KATNAL1: variants seen among roughly 807,000 people sequenced by gnomAD.
The protein encoded by KATNAL1 is katanin catalytic subunit A1 like 1, also known as katanin p60 ATPase-containing subunit A-like 1.
In KATNAL1, 32 loss-of-function variants were observed where a neutral mutation model predicts 55.2. The ratio of observed to expected loss-of-function variants is 0.58; its 90% CI spans 0.44 to 0.78. The LOEUF is 0.78. Ranked by LOEUF, KATNAL1 falls within the 30% of genes least tolerant of loss-of-function variation. The pLI, the probability that KATNAL1 is intolerant of heterozygous loss-of-function variation, is 0.00. For missense variants in KATNAL1, 466 were observed against 600.9 expected (o/e 0.78, Z 2.35); for synonymous variants, 193 against 193.6 (o/e 1.00, Z 0.02).
intron 9 of KATNAL1, among the ~76,000 whole-genome samples, chr13:30,223,565 T>C (rs764938484): frequency 5.3e-5 from 8 of 149,750 alleles, no homozygotes; most frequent in Non-Finnish European, 1.2e-4. Context: ...TAAGGCTAAA[T>C]TAAAAGCAGT....
Position 30,253,722 on chromosome 13 carries a change from T to C in KATNAL1, c.492+1725A>G, listed in dbSNP as rs372072816. Among the ~76,000 whole-genome samples, 11 of 152,270 alleles carry C rather than the reference T, an allele frequency of 7.2e-5. No homozygotes were observed. In the East Asian group the frequency reaches 1.3e-3, roughly 19 times the overall value. ...CAAAAAATGCTGCTTGATTATTTTG[T>C]TCTTTGCTTAAGAGTCACATTTAAA... is the stretch of plus-strand genomic sequence containing the variant. On this transcript the variant is annotated intron_variant, in intron 4 of 10. Coordinates refer to ENST00000380615, the MANE Select transcript of KATNAL1 (RefSeq NM_032116.5).
chr13:30,239,457 A>T (rs1877027823), intron 6 of KATNAL1, among the ~76,000 whole-genome samples: 2 of 152,168 alleles, frequency 1.3e-5, no homozygotes, highest in Admixed American at 1.3e-4. Flanking sequence ...TAAATAATCT[A>T]TTCTCACAAA....
At chr13:30,250,581 A>G (rs1014119682) in intron 4 of KATNAL1, among the ~76,000 whole-genome samples, 1 of 152,226 alleles carries the variant, frequency 6.6e-6, no homozygotes, top group African/African-American at 2.4e-5. Flanking sequence ...TCTCAAAAGA[A>G]TATGTCAATC....
intron 9 of KATNAL1, among the ~76,000 whole-genome samples, chr13:30,213,424 G>A (rs1181934596): frequency 1.3e-5 from 2 of 152,100 alleles, no homozygotes; most frequent in Admixed American, 6.5e-5. Context: ...CTCATTTTAT[G>A]AGGCCAGCAT....
intron 4 of KATNAL1, among the ~76,000 whole-genome samples, chr13:30,241,388 C>T (rs1040641912): frequency 2.6e-5 from 4 of 152,104 alleles, no homozygotes; most frequent in Admixed American, 6.6e-5. Flanking sequence ...AACTGGTAGA[C>T]GCAGAGGATT....
At chr13:30,299,941 A>T (rs1882756915) in intron 1 of KATNAL1, among the ~76,000 whole-genome samples, 1 of 151,970 alleles carries the variant, frequency 6.6e-6, no homozygotes, top group African/African-American at 2.4e-5. Context: ...CTACATCTCC[A>T]ACCTTTCTGT....
intron 9 of KATNAL1, among the ~76,000 whole-genome samples, chr13:30,211,803 T>C (rs530076493): frequency 3.9e-5 from 6 of 152,360 alleles, no homozygotes; most frequent in African/African-American, 1.4e-4. Context: ...AGAAATGCTC[T>C]ATCAGATTTT....
rs562716897 is a variant in KATNAL1, at chr13:30,288,058, T to C, written c.-14-4267A>G. 2.6e-5 allele frequency among the ~76,000 whole-genome samples: 4 copies of C among 152,322 alleles called. No homozygotes were observed. In the South Asian group the frequency reaches 8.3e-4, roughly 32 times the overall value. On this transcript the variant is annotated intron_variant, in intron 1 of 10. Coordinates refer to ENST00000380615, the MANE Select transcript of KATNAL1 (RefSeq NM_032116.5). ...AGAATGAAACTCTTTTTAGGGACAA[T>C]ATTTCACTTAGTTGGGATTCAAAGT...
chr13:30,269,453 A>T lies in KATNAL1; in HGVS notation c.323+10610T>A, dbSNP rs534566270. 9.2e-5 allele frequency among the ~76,000 whole-genome samples: 14 copies of T among 152,224 alleles called. No homozygotes were observed. The South Asian group carries it at 2.9e-3, about 32-fold the overall frequency. Reference sequence around the variant, plus strand: ...GCTACAACCTCCGCCTGCCTTGGCCACCCAAAGTGCCGAGATTGCAGTCTC... The same window carrying T: ...GCTACAACCTCCGCCTGCCTTGGCCTCCCAAAGTGCCGAGATTGCAGTCTC... On this transcript the variant is annotated intron_variant, in intron 3 of 10. Transcript: ENST00000380615.
chr13:30,230,637 A>C, intron 7 of KATNAL1, 43 bp from the exon 8 acceptor site: 2 of 1,443,318 alleles, frequency 1.4e-6, no homozygotes, highest in Non-Finnish European at 9.4e-7. Context: ...TAATCTCATA[A>C]AACAATTGGA....
chr13:30,245,476 C>T (rs992523336), intron 4 of KATNAL1, among the ~76,000 whole-genome samples: 6 of 152,274 alleles, frequency 3.9e-5, no homozygotes, highest in Non-Finnish European at 8.8e-5. Flanking sequence ...TGGAAGCATT[C>T]CCTTTGAATA....
At chr13:30,294,177 C>T (rs1402348298) in intron 1 of KATNAL1, among the ~76,000 whole-genome samples, 1 of 152,186 alleles carries the variant, frequency 6.6e-6, no homozygotes, top group Admixed American at 6.5e-5. Context: ...ATGTCTCTCA[C>T]TTGAAATCAA....
chr13:30,288,200 T>C (rs1881917432), intron 1 of KATNAL1, among the ~76,000 whole-genome samples: 1 of 152,184 alleles, frequency 6.6e-6, no homozygotes, highest in South Asian at 2.1e-4. Flanking sequence ...TAGGTGCTAC[T>C]TTATACTGAT....
chr13:30,209,260 C>A (rs1358902522), intron 10 of KATNAL1, among the ~76,000 whole-genome samples: 1 of 152,234 alleles, frequency 6.6e-6, no homozygotes, highest in Middle Eastern at 3.4e-3. Context: ...TCTCTTGATC[C>A]CATGTGCAGC....
intron 1 of KATNAL1, among the ~76,000 whole-genome samples, chr13:30,295,249 C>T (rs903422588): frequency 2.6e-5 from 4 of 152,078 alleles, no homozygotes; most frequent in African/African-American, 9.7e-5. Flanking sequence ...ACAGAGTCAC[C>T]CTTCTAGATG....
At chr13:30,243,608 C>CAAAAAAAAAAAAA in intron 4 of KATNAL1, among the ~76,000 whole-genome samples, 2 of 86,462 alleles carry the variant, frequency 2.3e-5, no homozygotes, top group Non-Finnish European at 4.4e-5. Flanking sequence ...GGTATTAAGC[C>CAAAAAAAAAAAAA]AAAAAAAAAA....
At position 30,269,272 on chromosome 13, in the gene KATNAL1, C is replaced by T. The variant is rs561199048; in HGVS notation, c.323+10791G>A. ...GGTTTTCGTATTTTTTTGGTGGAGA[C>T]GGGGTTTCGCTGTGTTGGCCGGGCT... is the stretch of plus-strand genomic sequence containing the variant. On this transcript the variant is annotated intron_variant, in intron 3 of 10. Coordinates refer to ENST00000380615, the MANE Select transcript of KATNAL1 (RefSeq NM_032116.5). 5.9e-5 allele frequency among the ~76,000 whole-genome samples: 9 copies of T among 152,330 alleles called. No homozygotes were observed. The East Asian group carries it at 1.4e-3, about 23-fold the overall frequency.
chr13:30,303,909 A>C (rs1328961734), intron 1 of KATNAL1, among the ~76,000 whole-genome samples: 2 of 152,246 alleles, frequency 1.3e-5, no homozygotes, highest in South Asian at 4.1e-4. Flanking sequence ...ATGGTCAAGT[A>C]AAGTCTAGAA....
At chr13:30,270,364 T>A (rs1337635766) in intron 3 of KATNAL1, among the ~76,000 whole-genome samples, 1 of 143,936 alleles carries the variant, frequency 6.9e-6, no homozygotes, top group Non-Finnish European at 1.5e-5. Flanking sequence ...CTGCCCGGCC[T>A]CCCCTACTGG....
Sources: gnomAD v4.1 joint callset for allele counts (sites outside exome capture counted in the v4.1 genomes callset) on GRCh38, gnomAD v4.1.1 for gene constraint, MANE v1.5 for transcripts, NCBI Gene and HGNC (gene_info 2026-07-23, HGNC 2026-07-21) for gene names.